Variants in CCDC102B observed in about 807,000 individuals in gnomAD.
CCDC102B encodes coiled-coil domain containing 102B, also known as coiled-coil domain-containing protein 102B.
Under a neutral mutation model 57.4 loss-of-function variants are expected in CCDC102B, and 75 were observed. The observed-to-expected ratio is 1.31, with a 90% CI of 1.08 to 1.58. CCDC102B has a LOEUF of 1.58. Among genes scored for constraint, CCDC102B ranks in the 40% most tolerant of loss-of-function variants. The pLI, the probability that CCDC102B is intolerant of heterozygous loss-of-function variation, is 0.00. For synonymous variants in CCDC102B, 206 were observed against 201.9 expected (o/e 1.02, Z -0.17); for missense variants, 636 against 582.6 (o/e 1.09, Z -0.94).
rs910399935 is a variant in CCDC102B at position 68,963,638 on chromosome 18, G to A, written c.1264-47296G>A. 2.0e-5 allele frequency among the ~76,000 whole-genome samples: 3 copies of A among 151,750 alleles called. No homozygotes were observed. In the East Asian group the frequency reaches 5.8e-4, roughly 29 times the overall value. Reference sequence around the variant, plus strand: ...GGGATAATCTGGCCTCCTACTTAGAGAATATTATAAATATTATCCTTATAA... The same window carrying A: ...GGGATAATCTGGCCTCCTACTTAGAAAATATTATAAATATTATCCTTATAA... On this transcript the variant is annotated intron_variant, in intron 6 of 7. Coordinates refer to ENST00000360242, the MANE Select transcript of CCDC102B (RefSeq NM_024781.3).
intron 4 of CCDC102B, among the ~76,000 whole-genome samples, chr18:68,853,509 A>T (rs900106569): frequency 6.6e-6 from 1 of 151,946 alleles, no homozygotes; most frequent in African/African-American, 2.4e-5. Flanking sequence ...AAAAAGTATT[A>T]GTTATTTTTA....
intron 2 of CCDC102B, among the ~76,000 whole-genome samples, chr18:68,791,143 A>G (rs897792016): frequency 6.6e-6 from 1 of 152,216 alleles, no homozygotes; most frequent in African/African-American, 2.4e-5. Flanking sequence ...TGCATTGAGG[A>G]GGATTAGTTC....
intron 2 of CCDC102B, among the ~76,000 whole-genome samples, chr18:68,745,853 C>T (rs905587410): frequency 1.3e-5 from 2 of 152,118 alleles, no homozygotes; most frequent in African/African-American, 4.8e-5. Context: ...CTGTTCCTGG[C>T]TTATTTCATT....
intron 2 of CCDC102B, among the ~76,000 whole-genome samples, chr18:68,776,623 A>G (rs2034826375): frequency 6.6e-6 from 1 of 152,168 alleles, no homozygotes. Flanking sequence ...ATGAAAACAC[A>G]TGAACACAAG....
chr18:68,808,331 T>G (rs543476522), intron 1 of CCDC102B, among the ~76,000 whole-genome samples: 1 of 152,154 alleles, frequency 6.6e-6, no homozygotes, highest in South Asian at 2.1e-4. Context: ...GAAGTCAGCA[T>G]TTTGTCAATA....
intron 1 of CCDC102B, among the ~76,000 whole-genome samples, chr18:68,827,774 A>G (rs908837309): frequency 2.0e-5 from 3 of 152,018 alleles, no homozygotes; most frequent in Non-Finnish European, 4.4e-5. Flanking sequence ...TTAGTAAGGA[A>G]CTTAACAAGA....
intron 2 of CCDC102B, among the ~76,000 whole-genome samples, chr18:68,771,427 G>A (rs1215725623): frequency 1.3e-5 from 2 of 152,190 alleles, no homozygotes; most frequent in African/African-American, 4.8e-5. Context: ...GTGTCAGGGT[G>A]CAAAATAACG....
At chr18:68,984,426 T>C (rs2050672022) in intron 6 of CCDC102B, among the ~76,000 whole-genome samples, 1 of 152,162 alleles carries the variant, frequency 6.6e-6, no homozygotes, top group African/African-American at 2.4e-5. Flanking sequence ...CCAGAATATG[T>C]AGTTCTGGCA....
At chr18:68,746,236 T>G (rs2033615467) in intron 2 of CCDC102B, among the ~76,000 whole-genome samples, 1 of 152,192 alleles carries the variant, frequency 6.6e-6, no homozygotes, top group Non-Finnish European at 1.5e-5. Flanking sequence ...AAACTTTGCA[T>G]AATTTCTGGG....
intron 1 of CCDC102B, among the ~76,000 whole-genome samples, chr18:68,801,616 A>G (rs1427372660): frequency 6.6e-6 from 1 of 152,142 alleles, no homozygotes; most frequent in Non-Finnish European, 1.5e-5. Flanking sequence ...ATCTTATCAT[A>G]GTGTCTGTTT....
intron 6 of CCDC102B, among the ~76,000 whole-genome samples, chr18:68,977,995 CGTATTT>C (rs1465056558): frequency 1.3e-5 from 2 of 151,964 alleles, no homozygotes; most frequent in Non-Finnish European, 2.9e-5. Flanking sequence ...CTACCTGTGA[CGTATTT>C]GAAGTAGTCC....
At chr18:68,989,319 A>G (rs2050803072) in intron 6 of CCDC102B, among the ~76,000 whole-genome samples, 1 of 152,224 alleles carries the variant, frequency 6.6e-6, no homozygotes, top group Non-Finnish European at 1.5e-5. Context: ...GAAAATGAAG[A>G]TTAACATACC....
chr18:68,779,581 T>C (rs1261048441), intron 2 of CCDC102B, among the ~76,000 whole-genome samples: 1 of 152,118 alleles, frequency 6.6e-6, no homozygotes, highest in Non-Finnish European at 1.5e-5. Flanking sequence ...ATAAATTCAG[T>C]ACATTTATTT....
At chr18:68,779,657 TTAAAG>T (rs2034941497) in intron 2 of CCDC102B, among the ~76,000 whole-genome samples, 1 of 151,942 alleles carries the variant, frequency 6.6e-6, no homozygotes, top group Non-Finnish European at 1.5e-5. Flanking sequence ...TTGGAGACCA[TTAAAG>T]TAGAGAAGCA....
At chr18:69,041,017 G>A (rs1327129685) in intron 7 of CCDC102B, among the ~76,000 whole-genome samples, 2 of 152,056 alleles carry the variant, frequency 1.3e-5, no homozygotes, top group Non-Finnish European at 2.9e-5. Flanking sequence ...AAAAAGGAGA[G>A]AAGTAGGCTA....
chr18:68,933,949 A>G (rs757687910), intron 6 of CCDC102B, among the ~76,000 whole-genome samples: 44 of 152,036 alleles, frequency 2.9e-4, no homozygotes, highest in Middle Eastern at 3.4e-3. Context: ...GTATTTATGC[A>G]TTATAATAAC....
At chr18:69,020,433 C>T (rs933946724) in intron 7 of CCDC102B, among the ~76,000 whole-genome samples, 2 of 151,822 alleles carry the variant, frequency 1.3e-5, no homozygotes, top group African/African-American at 4.8e-5. Flanking sequence ...GGGTTAAAGT[C>T]GAATACAATG....
At chr18:69,010,892 G>T in intron 6 of CCDC102B, 42 bp from the exon 7 acceptor site, 1 of 1,443,314 alleles carries the variant, frequency 6.9e-7, no homozygotes, top group Non-Finnish European at 9.3e-7. Context: ...GATTTTATCA[G>T]AATAGACTAT....
chr18:68,751,054 A>G (rs745397026), intron 2 of CCDC102B, among the ~76,000 whole-genome samples: 1 of 152,202 alleles, frequency 6.6e-6, no homozygotes, highest in Admixed American at 6.5e-5. Context: ...TTAGGTCAAA[A>G]TAATCTATCA....
Sources: gnomAD v4.1 joint callset for allele counts (sites outside exome capture counted in the v4.1 genomes callset) on GRCh38, gnomAD v4.1.1 for gene constraint, MANE v1.5 for transcripts, NCBI Gene and HGNC (gene_info 2026-07-23, HGNC 2026-07-21) for gene names.